The following ST7L variants were observed in gnomAD, a reference collection of about 807,000 sequenced individuals.
The protein encoded by ST7L is suppressor of tumorigenicity 7 protein-like.
Under a neutral mutation model 72.5 loss-of-function variants are expected in ST7L, and 57 were observed. The observed-to-expected ratio is 0.79, with a 90% CI of 0.64 to 0.98. The LOEUF (loss-of-function observed/expected upper bound fraction) is 0.98. ST7L is among the 50% of genes least tolerant of loss of function. The pLI is 0.00. For missense variants in ST7L, 576 were observed against 672.2 expected (o/e 0.86, Z 1.58); for synonymous variants, 221 against 240.9 (o/e 0.92, Z 0.77).
intron 14 of ST7L, chr1:112,541,664 A>G (rs1449741788): frequency 2.0e-6 from 1 of 499,200 alleles, no homozygotes; most frequent in African/African-American, 2.0e-5. Context: ...TACCAAAGAT[A>G]GTAACAAATG....
At position 112,523,654 on chromosome 1, in the gene ST7L, C is replaced by T. The variant is rs1653004505; in HGVS notation, c.*2359G>A. On this transcript the variant is annotated 3_prime_UTR_variant, in exon 15 of 15. Coordinates refer to ENST00000358039, the MANE Select transcript of ST7L (RefSeq NM_017744.5). ...GGTCTGTCCCTCAGATCAGCAATGT[C>T]TTAGCCCCTCTCCTCTCTTCCATTC... 1 of 152,202 alleles carries T rather than the reference C, an allele frequency of 6.6e-6. No individual in the cohort carries two copies. The highest frequency in any genetic ancestry group is 6.5e-5 in the Admixed American group (1 of 15,280). 9.4% of individuals were successfully genotyped at this position (152,202 alleles called of 1,614,324 possible).
intron 3 of ST7L, among the ~76,000 whole-genome samples, chr1:112,601,718 T>C (rs1667420463): frequency 6.6e-6 from 1 of 152,000 alleles, no homozygotes; most frequent in Admixed American, 6.6e-5. Flanking sequence ...CATAAAACCA[T>C]ACAGCATGGT....
intron 5 of ST7L, among the ~76,000 whole-genome samples, chr1:112,591,861 C>T (rs1381486735): frequency 6.6e-6 from 1 of 151,966 alleles, no homozygotes; most frequent in Non-Finnish European, 1.5e-5. Flanking sequence ...TTAATTATAT[C>T]ATTATTATGT....
intron 11 of ST7L, among the ~76,000 whole-genome samples, chr1:112,568,367 T>A (rs532501988): frequency 1.3e-5 from 2 of 149,098 alleles, no homozygotes; most frequent in African/African-American, 5.0e-5. Flanking sequence ...GACGGAGTCT[T>A]GCTTTGTCGC....
the ST7L span, chr1:112,517,976 AC>A: frequency 6.5e-6 from 1 of 152,874 alleles, no homozygotes; most frequent in South Asian, 2.1e-4. Context: ...CAGAGAACAG[AC>A]CAATCTGCTG....
intron 14 of ST7L, among the ~76,000 whole-genome samples, chr1:112,541,594 G>T (rs1349807941): frequency 6.6e-6 from 1 of 152,040 alleles, no homozygotes; most frequent in East Asian, 1.9e-4. Flanking sequence ...GAGAACTAAT[G>T]ATTTCATTTA....
intron 2 of ST7L, among the ~76,000 whole-genome samples, chr1:112,613,301 G>A (rs1669356352): frequency 6.6e-6 from 1 of 150,760 alleles, no homozygotes; most frequent in South Asian, 2.1e-4. Context: ...CTTATCAAAA[G>A]CTTTCTATGA....
intron 9 of ST7L, among the ~76,000 whole-genome samples, chr1:112,579,645 T>C (rs911226839): frequency 6.6e-5 from 10 of 152,108 alleles, no homozygotes; most frequent in Non-Finnish European, 1.3e-4. Context: ...GGTAAATTAA[T>C]TATATCAATC....
chr1:112,598,210 A>G, intron 4 of ST7L, 124 bp from the exon 5 acceptor site: 1 of 583,254 alleles, frequency 1.7e-6, no homozygotes, highest in Non-Finnish European at 3.0e-6. Context: ...TCTTACAATC[A>G]GTAAAACAAA....
At chr1:112,598,447 G>C (rs886943350) in intron 4 of ST7L, among the ~76,000 whole-genome samples, 1 of 114,152 alleles carries the variant, frequency 8.8e-6, no homozygotes, top group African/African-American at 3.3e-5. Flanking sequence ...GTCTTTACCA[G>C]AAAAAAAAAA....
intron 2 of ST7L, among the ~76,000 whole-genome samples, chr1:112,614,334 A>C (rs978064495): frequency 6.6e-6 from 1 of 152,148 alleles, no homozygotes; most frequent in African/African-American, 2.4e-5. Flanking sequence ...CTCCCACTCC[A>C]TCCTCCCAAA....
intron 5 of ST7L, among the ~76,000 whole-genome samples, chr1:112,592,305 G>A (rs550313669): frequency 3.3e-4 from 51 of 152,244 alleles, no homozygotes; most frequent in African/African-American, 9.9e-4. Context: ...TTTCAAGTTT[G>A]ATAAGAAAAA....
intron 12 of ST7L, 65 bp from the exon 13 acceptor site, chr1:112,550,758 C>A: frequency 1.5e-6 from 2 of 1,293,504 alleles, no homozygotes; most frequent in South Asian, 1.3e-5. Flanking sequence ...TATTTGGAGA[C>A]AAATTTATAT....
chr1:112,610,116 A>C (rs1372690380), intron 3 of ST7L, among the ~76,000 whole-genome samples: 2 of 152,148 alleles, frequency 1.3e-5, no homozygotes, highest in Non-Finnish European at 2.9e-5. Context: ...TATGAAACAG[A>C]CCTGACCAGT....
At chr1:112,538,675 A>T (rs1655603480) in intron 14 of ST7L, among the ~76,000 whole-genome samples, 1 of 152,074 alleles carries the variant, frequency 6.6e-6, no homozygotes, top group South Asian at 2.1e-4. Flanking sequence ...AATTATACCC[A>T]ATCACCATTT....
rs1342742194 is a variant in ST7L, at chr1:112,525,998, T to G, written c.*15A>C. The G allele has an allele frequency of 1.2e-6, 2 of 1,614,018 alleles. No homozygotes were observed. Among genetic ancestry groups the G allele is most frequent in the East Asian group, 4.5e-5 (2 of 44,890 alleles). ...ATTTGGTGATTTGTCCAAGGTCACA[T>G]GAACAGTGCGTGGCTCAGCCAGAAC... On this transcript the variant is annotated 3_prime_UTR_variant, in exon 15 of 15. Transcript: ENST00000358039.
chr1:112,616,936 T>C, intron 1 of ST7L, 41 bp from the exon 2 acceptor site: 1 of 1,381,690 alleles, frequency 7.2e-7, no homozygotes. Context: ...AAAATGCAAA[T>C]TTAAAGTACT....
At chr1:112,563,041 CT>C (rs1660430443) in intron 11 of ST7L, among the ~76,000 whole-genome samples, 1 of 151,904 alleles carries the variant, frequency 6.6e-6, no homozygotes, top group South Asian at 2.1e-4. Context: ...CAGGAGATTT[CT>C]ACTTTGTAAA....
chr1:112,584,243 A>C, intron 6 of ST7L, 117 bp from the exon 7 acceptor site: 1 of 1,086,552 alleles, frequency 9.2e-7, no homozygotes, highest in Non-Finnish European at 1.2e-6. Flanking sequence ...CATCTTTAGA[A>C]AAAAAAAAAC....
Sources: gnomAD v4.1 joint callset for allele counts (sites outside exome capture counted in the v4.1 genomes callset) on GRCh38, gnomAD v4.1.1 for gene constraint, MANE v1.5 for transcripts, NCBI Gene and HGNC (gene_info 2026-07-23, HGNC 2026-07-21) for gene names.